Variants in GSN observed in about 807,000 individuals in gnomAD.
GSN encodes the protein actin-depolymerizing factor.
Under a neutral mutation model 85.7 loss-of-function variants are expected in GSN, and 56 were observed. The observed-to-expected ratio is 0.65, with a 90% CI of 0.53 to 0.82. The LOEUF (loss-of-function observed/expected upper bound fraction) is 0.82, where lower values mean the gene tolerates loss of function less well. Among genes scored for constraint, GSN ranks in the 40% least tolerant of loss-of-function variants. The probability of loss-of-function intolerance (pLI) is 0.00; values close to 1 mark genes in which losing one functional copy is unlikely to be tolerated. For missense variants in GSN, 857 were observed against 979.8 expected (o/e 0.87, Z 1.67); for synonymous variants, 373 against 399.1 (o/e 0.93, Z 0.78).
chr9:121,281,411 T>G, intron 1 of GSN, 59 bp from the exon 2 acceptor site: 1 of 364,680 alleles, frequency 2.7e-6, no homozygotes, highest in South Asian at 2.1e-5. Flanking sequence ...CAAATGGGGA[T>G]TTGACCAGAT....
In GSN at chr9:121,318,956, A is replaced by C; in HGVS notation, c.1191+76A>C. The C allele has an allele frequency of 1.6e-6, 2 of 1,215,020 alleles. No homozygotes were observed. Among genetic ancestry groups the C allele is most frequent in the South Asian group, 2.5e-5 (2 of 81,024 alleles). 75.3% of individuals were successfully genotyped at this position (1,215,020 alleles called of 1,614,324 possible). ...CCATGCACTGCCTCTTGCTTCCCCA[A>C]GGAGGTTTCTCTCTGAGGTTTGCAC... On this transcript the variant is annotated intron_variant, in intron 10 of 17. Transcript: ENST00000432226. This position sits in a 1 kb window ranked among gnomAD's most constrained non-coding sequence, Gnocchi z 4.3.
At chr9:121,284,159 A>G (rs1007087644) in intron 2 of GSN, 1 of 167,112 alleles carries the variant, frequency 6.0e-6, no homozygotes, top group East Asian at 1.9e-4. Context: ...ACCTCTGGGA[A>G]CCATTGGAAG....
At chr9:121,324,772 T>TCCAC (rs1415294408) in intron 12 of GSN, 128 bp downstream of exon 12, 9 of 674,286 alleles carry the variant, frequency 1.3e-5, no homozygotes, top group African/African-American at 5.3e-5. Flanking sequence ...CATCCATCCA[T>TCCAC]CCATCCATCC....
chr9:121,211,346 A>T (rs1210645779), intron 4 of GSN, among the ~76,000 whole-genome samples: 2 of 152,250 alleles, frequency 1.3e-5, no homozygotes, highest in Non-Finnish European at 2.9e-5. Context: ...TTTACCACAT[A>T]AAAAAGCATA....
chr9:121,259,122 C>G (rs2055028135), intron 6 of GSN, among the ~76,000 whole-genome samples: 1 of 152,224 alleles, frequency 6.6e-6, no homozygotes, highest in Admixed American at 6.5e-5. Context: ...GTCCAGGGTG[C>G]TGTGCTGGGC....
intron 6 of GSN, among the ~76,000 whole-genome samples, chr9:121,259,676 T>A (rs1362280584): frequency 6.6e-6 from 1 of 151,858 alleles, no homozygotes; most frequent in African/African-American, 2.4e-5. Flanking sequence ...CTAAAGAAGC[T>A]CAGAGCTTGT....
upstream of GSN, among the ~76,000 whole-genome samples, chr9:121,202,861 T>C (rs993923971): frequency 5.3e-5 from 8 of 152,136 alleles, 1 homozygote; most frequent in Admixed American, 4.6e-4. Context: ...GCGCGGTGGC[T>C]CACGCCTGTA....
intron 6 of GSN, among the ~76,000 whole-genome samples, chr9:121,258,875 A>G (rs1340289137): frequency 6.6e-6 from 1 of 152,216 alleles, no homozygotes; most frequent in Non-Finnish European, 1.5e-5. Context: ...TCCTGCCTTC[A>G]TGTTAGTTCA....
rs944206987 is a variant in GSN at position 121,261,575 on chromosome 9, C to T, written c.-340-3579C>T. Among the ~76,000 whole-genome samples, 1 of 152,324 alleles carries T rather than the reference C, an allele frequency of 6.6e-6. No homozygotes were observed. Among genetic ancestry groups the T allele is most frequent in the African/African-American group, 2.4e-5 (1 of 41,580 alleles). On this transcript the variant is annotated intron_variant, in intron 6 of 24. Coordinates refer to the GSN transcript ENST00000373823. This position sits in a 1 kb window ranked among gnomAD's most constrained non-coding sequence, Gnocchi z 4.1. ...GAGTAGTTCCAATCTGAGAAATTTT[C>T]GTCAGCTTTGGAGGAGATAATGCCC...
chr9:121,297,346 TTAG>T (rs1257093448), intron 2 of GSN, among the ~76,000 whole-genome samples: 1 of 152,208 alleles, frequency 6.6e-6, no homozygotes, highest in African/African-American at 2.4e-5. Context: ...TCTATGAATT[TTAG>T]TAGATTTAAT....
At position 121,318,643 on chromosome 9, in the gene GSN, C is replaced by A; in HGVS notation, c.976-22C>A. 1 of 1,584,474 alleles carries A rather than the reference C, an allele frequency of 6.3e-7. No homozygotes were observed. Among genetic ancestry groups the A allele is most frequent in the Non-Finnish European group, 8.7e-7 (1 of 1,153,064 alleles). On this transcript the variant is annotated intron_variant, in intron 9 of 17. Coordinates refer to ENST00000432226, the MANE Select transcript of GSN (RefSeq NM_198252.3). This position sits in a 1 kb window ranked among gnomAD's most constrained non-coding sequence, Gnocchi z 4.3. The stretch of plus-strand genomic sequence containing the variant: ...TGCTGGGCAGCCCAGCCACATCCTG[C>A]TCCTCTGCCTCCCCTCCCCAGGTCT...
intron 6 of GSN, among the ~76,000 whole-genome samples, chr9:121,253,115 A>C (rs906087381): frequency 1.3e-5 from 2 of 152,162 alleles, no homozygotes; most frequent in Non-Finnish European, 2.9e-5. Flanking sequence ...TCTTCTTATA[A>C]GGGCACTAAT....
At chr9:121,201,834 T>C in the GSN span, 1 of 152,386 alleles carries the variant, frequency 6.6e-6, no homozygotes, top group Non-Finnish European at 1.5e-5. Flanking sequence ...ACTGCTCCTG[T>C]GCTCCCTCAG....
chr9:121,210,800 T>A (rs1157147425), exon 4 of GSN: 1 of 152,194 alleles, frequency 6.6e-6, no homozygotes, highest in Non-Finnish European at 1.5e-5. Context: ...CTTGCCGAAT[T>A]TTTAGCCCAT....
Position 121,299,041 on chromosome 9 carries a change from C to T in GSN, c.-9-2922C>T, listed in dbSNP as rs981765171. ...TTGCTTAGAGACATGACGGTAAACC[C>T]TGAACCATCAGCTAAAAGAGGTAGA... is the stretch of plus-strand genomic sequence containing the variant. On this transcript the variant is annotated intron_variant, in intron 2 of 17. Coordinates refer to ENST00000432226, the MANE Select transcript of GSN (RefSeq NM_198252.3). This position sits in a 1 kb window ranked among gnomAD's most constrained non-coding sequence, Gnocchi z 4.2. Among the ~76,000 whole-genome samples, 1 of 152,228 alleles carries T rather than the reference C, an allele frequency of 6.6e-6. No homozygotes were observed. Among genetic ancestry groups the T allele is most frequent in the Admixed American group, 6.5e-5 (1 of 15,290 alleles).
intron 6 of GSN, among the ~76,000 whole-genome samples, chr9:121,250,253 G>T (rs900490639): frequency 6.9e-6 from 1 of 145,906 alleles, no homozygotes; most frequent in Non-Finnish European, 1.5e-5. Context: ...CGCCCAGGCC[G>T]GAGTGCAGTG....
intron 5 of GSN, among the ~76,000 whole-genome samples, chr9:121,245,790 G>A (rs536989303): frequency 2.0e-5 from 3 of 152,328 alleles, no homozygotes; most frequent in East Asian, 3.9e-4. Context: ...TGCCCAGGCT[G>A]GAGTGCAGAG....
chr9:121,274,267 T>G (rs920658255), intron 1 of GSN, among the ~76,000 whole-genome samples: 8 of 152,198 alleles, frequency 5.3e-5, no homozygotes, highest in Non-Finnish European at 1.0e-4. Flanking sequence ...TTTTTTGTTA[T>G]GGTAGAAATA....
chr9:121,327,104 T>A (rs900444683), intron 13 of GSN: 2 of 717,580 alleles, frequency 2.8e-6, no homozygotes, highest in Non-Finnish European at 5.1e-6. Context: ...TTTAGAATCA[T>A]GTTGGCTAGT....
Sources: gnomAD v4.1 joint callset for allele counts (sites outside exome capture counted in the v4.1 genomes callset) on GRCh38, gnomAD v4.1.1 for gene constraint, Gnocchi (gnomAD v3.1) non-coding constraint, MANE v1.5 for transcripts, NCBI Gene and HGNC (gene_info 2026-07-23, HGNC 2026-07-21) for gene names.